The following MEIG1 variants were observed in gnomAD, a reference collection of about 807,000 sequenced individuals.
The protein encoded by MEIG1 is meiosis/spermiogenesis associated 1.
Under a neutral mutation model 11.3 loss-of-function variants are expected in MEIG1, and 12 were observed. The ratio of observed to expected loss-of-function variants is 1.07; its 90% CI spans 0.68 to 1.73. The LOEUF is 1.73. MEIG1 is among the 40% of genes most tolerant of loss of function. MEIG1 has a pLI of 0.00. For synonymous variants in MEIG1, 41 were observed against 33.2 expected, an observed-to-expected ratio of 1.24 and a Z score of -0.81; for missense variants, 119 against 104.9, an observed-to-expected ratio of 1.13 and a Z score of -0.59.
chr10:14,978,902 T>G (rs374216822), intron 1 of MEIG1, among the ~76,000 whole-genome samples: 24 of 152,074 alleles, frequency 1.6e-4, no homozygotes, highest in African/African-American at 5.3e-4. Context: ...ACTTGTAATA[T>G]TCTATAGAAA....
intron 1 of MEIG1, among the ~76,000 whole-genome samples, chr10:14,986,516 G>T (rs7897418): frequency 0.18 from 27,748 of 151,942 alleles, 2,688 homozygotes; most frequent in Middle Eastern, 0.28. Context: ...CTGTATTTCA[G>T]GACCCAATTA....
At chr10:14,971,792 G>T (rs754952977) in intron 2 of MEIG1, among the ~76,000 whole-genome samples, 2 of 152,102 alleles carry the variant, frequency 1.3e-5, no homozygotes, top group Non-Finnish European at 2.9e-5. Context: ...GGAATGTTTT[G>T]TCTTATCTTG....
chr10:14,984,348 G>A (rs1243668206), intron 1 of MEIG1, among the ~76,000 whole-genome samples: 1 of 152,026 alleles, frequency 6.6e-6, no homozygotes, highest in Non-Finnish European at 1.5e-5. Flanking sequence ...CCATTTTCTA[G>A]CAACATGCCG....
At chr10:14,985,198 G>A (rs932156864) in intron 1 of MEIG1, among the ~76,000 whole-genome samples, 1 of 151,976 alleles carries the variant, frequency 6.6e-6, no homozygotes, top group African/African-American at 2.4e-5. Flanking sequence ...AATCACTGGG[G>A]CCGTACATCC....
chr10:14,971,117 T>A (rs1012619838), intron 2 of MEIG1, among the ~76,000 whole-genome samples: 2 of 151,818 alleles, frequency 1.3e-5, no homozygotes, highest in East Asian at 3.9e-4. Flanking sequence ...CTGGGGACAG[T>A]GGCTCACACC....
At chr10:14,981,219 A>T (rs147422830) in intron 1 of MEIG1, among the ~76,000 whole-genome samples, 14,271 of 140,350 alleles carry the variant, frequency 0.1, 1,407 homozygotes, top group African/African-American at 0.26. Flanking sequence ...GCTTAGCCAG[A>T]GCTGGTCTTC....
downstream of MEIG1, among the ~76,000 whole-genome samples, chr10:14,977,533 T>C (rs957434743): frequency 6.6e-6 from 1 of 151,944 alleles, no homozygotes; most frequent in Non-Finnish European, 1.5e-5. Flanking sequence ...CCTTCGATAT[T>C]ATTTGTAATC....
intron 1 of MEIG1, among the ~76,000 whole-genome samples, chr10:14,981,377 C>A (rs951961525): frequency 2.0e-5 from 3 of 152,088 alleles, no homozygotes; most frequent in Non-Finnish European, 2.9e-5. Flanking sequence ...CTGAGCAAGT[C>A]CCTTCCCAGC....
chr10:14,975,311 C>A (rs182118319), downstream of MEIG1, among the ~76,000 whole-genome samples: 52 of 152,082 alleles, frequency 3.4e-4, no homozygotes, highest in African/African-American at 1.1e-3. Context: ...AGGGAGAGGA[C>A]GATATGACTC....
At chr10:14,954,290 A>C in the MEIG1 span, 2 of 537,850 alleles carry the variant, frequency 3.7e-6, no homozygotes, top group South Asian at 2.0e-5. Flanking sequence ...CCCAACAAAC[A>C]CAGGTGTTGC....
At position 14,986,998 on chromosome 10, in the gene MEIG1, A is replaced by G. The variant is rs1045106587; in HGVS notation, n.269A>G. ...CAGGCTAAGGAAAAAGGACACCAAA[A>G]CGAAGAAGACACAGAGGTGAGGATT... On this transcript the variant is annotated non_coding_transcript_exon_variant, in exon 2 of 3. Coordinates refer to the MEIG1 transcript ENST00000467536. The G allele has an allele frequency of 2.0e-5, 13 of 662,072 alleles. No individual in the cohort carries two copies. In the African/African-American group the frequency reaches 2.2e-4, roughly 11 times the overall value. 41.0% of individuals were successfully genotyped at this position (662,072 alleles called of 1,614,324 possible).
intron 1 of MEIG1, among the ~76,000 whole-genome samples, chr10:14,982,692 G>A (rs1168211593): frequency 6.6e-6 from 1 of 152,104 alleles, no homozygotes; most frequent in African/African-American, 2.4e-5. Flanking sequence ...GAGCTGCCAA[G>A]GGAGGGGTGG....
intron 1 of MEIG1, among the ~76,000 whole-genome samples, chr10:14,961,036 A>T (rs915230832): frequency 6.6e-6 from 1 of 152,164 alleles, no homozygotes; most frequent in Non-Finnish European, 1.5e-5. Context: ...TCTCAAAAAA[A>T]TAATAAATAA....
At chr10:14,975,542 T>C (rs1330759778), downstream of MEIG1, among the ~76,000 whole-genome samples, 1 of 152,104 alleles carries the variant, frequency 6.6e-6, no homozygotes, top group Non-Finnish European at 1.5e-5. Flanking sequence ...GAGAAGATGA[T>C]AATACCCCCC....
At chr10:14,984,534 A>G (rs888998349) in intron 1 of MEIG1, among the ~76,000 whole-genome samples, 2 of 151,894 alleles carry the variant, frequency 1.3e-5, no homozygotes, top group South Asian at 2.1e-4. Flanking sequence ...TTCTTCTCCT[A>G]AGGGGAGGTT....
intron 2 of MEIG1, among the ~76,000 whole-genome samples, chr10:14,967,322 G>A (rs547204086): frequency 1.3e-5 from 2 of 150,462 alleles, no homozygotes; most frequent in South Asian, 4.2e-4. Context: ...GGTTTTTGGG[G>A]CAATTATACC....
chr10:14,967,339 A>T (rs1408445779), intron 2 of MEIG1, among the ~76,000 whole-genome samples: 1 of 148,330 alleles, frequency 6.7e-6, no homozygotes, highest in African/African-American at 2.6e-5. Flanking sequence ...TACCTTACAA[A>T]CAAAAGTGTT....
At chr10:14,962,020 G>A (rs1843020619) in intron 1 of MEIG1, among the ~76,000 whole-genome samples, 1 of 151,956 alleles carries the variant, frequency 6.6e-6, no homozygotes, top group Admixed American at 6.6e-5. Flanking sequence ...GCCCAGGCTG[G>A]TCTTGAACTC....
rs1554806686 is a variant in MEIG1 at position 14,972,588 on chromosome 10, C to T, written c.214C>T (p.Gln72Ter). The change falls in exon 3 of 3, where the codon CAG becomes TAG. Residue 72 changes from glutamine (Q) to a stop codon, truncating the protein, a stop_gained. Coordinates refer to ENST00000407572, the MANE Select transcript of MEIG1 (RefSeq NM_001080836.3). LOFTEE classifies it high-confidence loss of function. The stretch of plus-strand genomic sequence containing the variant: ...CAATACGTTCTATTACTACAACAAA[C>T]AGAGGGAATGTGATGACAAAGAAGT... ...RDNTFYYYNK[Q>*]RECDDKEVHK... 4.3e-6 allele frequency: 7 copies of T among 1,613,712 alleles called. No homozygotes were observed. The highest frequency in any genetic ancestry group is 2.2e-5 in the South Asian group (2 of 90,896).
Sources: gnomAD v4.1 joint callset for allele counts (sites outside exome capture counted in the v4.1 genomes callset) on GRCh38, gnomAD v4.1.1 for gene constraint, MANE v1.5 for transcripts, NCBI Gene and HGNC (gene_info 2026-07-23, HGNC 2026-07-21) for gene names.